TMEM177: variants seen among roughly 807,000 people sequenced by gnomAD.
TMEM177 encodes the protein transmembrane protein 177.
A neutral mutation model predicts 14.2 loss-of-function variants in TMEM177; 4 were observed. The observed-to-expected ratio is 0.28, with a 90% CI of 0.14 to 0.64. TMEM177 has a LOEUF of 0.64. Ranked by LOEUF, TMEM177 falls within the 30% of genes least tolerant of loss-of-function variation. The pLI is 0.82. For missense variants in TMEM177, 344 were observed against 405.2 expected (o/e 0.85, Z 1.30); for synonymous variants, 179 against 174.5 (o/e 1.03, Z -0.20).
the TMEM177 span, among the ~76,000 whole-genome samples, chr2:119,697,899 A>C: frequency 1.3e-5 from 2 of 152,254 alleles, no homozygotes; most frequent in African/African-American, 4.8e-5. Flanking sequence ...AAGAAGGGCC[A>C]GATGGCTGGA....
the TMEM177 span, among the ~76,000 whole-genome samples, chr2:119,695,490 G>A: frequency 6.6e-6 from 1 of 152,140 alleles, no homozygotes; most frequent in Non-Finnish European, 1.5e-5. Flanking sequence ...TGGGCACCTG[G>A]CTGGGCACCT....
the TMEM177 span, among the ~76,000 whole-genome samples, chr2:119,703,817 C>A: frequency 6.6e-6 from 1 of 152,230 alleles, no homozygotes; most frequent in Non-Finnish European, 1.5e-5. Flanking sequence ...GCAGCTTCCA[C>A]TGGGCAGCCT....
chr2:119,709,415 C>T, the TMEM177 span, among the ~76,000 whole-genome samples: 1 of 152,200 alleles, frequency 6.6e-6, no homozygotes, highest in Non-Finnish European at 1.5e-5. Context: ...GTGGCTCATG[C>T]CTGTAATCCC....
chr2:119,693,703 A>G, the TMEM177 span, among the ~76,000 whole-genome samples: 1 of 152,114 alleles, frequency 6.6e-6, no homozygotes, highest in African/African-American at 2.4e-5. Flanking sequence ...AGCCTGAGGA[A>G]AAAGGCCTCA....
downstream of TMEM177, among the ~76,000 whole-genome samples, chr2:119,683,872 C>G (rs1292013490): frequency 1.3e-5 from 2 of 152,198 alleles, no homozygotes; most frequent in Non-Finnish European, 2.9e-5. Context: ...TGAGAGCCCC[C>G]CTGGCAGGTT....
At position 119,681,789 on chromosome 2, in the gene TMEM177, A is replaced by G. The variant is rs1340475445; in HGVS notation, c.936A>G (p.Ter312TrpextTer74). ...WRGMLNPGRS[*>W] ...GGATGCTCAATCCGGGCCGCTCCTGATGGGCTCATCACAAGGACACTTCCA... is the reference window on the plus strand; with the variant it reads ...GGATGCTCAATCCGGGCCGCTCCTGGTGGGCTCATCACAAGGACACTTCCA... The change falls in exon 2 of 2, where the codon TGA becomes TGG. Residue 312 changes from the stop codon to tryptophan (W), a stop_lost. Transcript: ENST00000272521. The G allele has an allele frequency of 6.2e-6, 10 of 1,610,204 alleles. No homozygotes were observed. The highest frequency in any genetic ancestry group is 8.5e-6 in the Non-Finnish European group (10 of 1,177,652).
chr2:119,697,213 C>T, the TMEM177 span, among the ~76,000 whole-genome samples: 1 of 152,212 alleles, frequency 6.6e-6, no homozygotes, highest in Non-Finnish European at 1.5e-5. Context: ...TCAGGGTCTG[C>T]CTCCACTTCC....
the TMEM177 span, among the ~76,000 whole-genome samples, chr2:119,703,161 A>G: frequency 6.6e-6 from 1 of 152,186 alleles, no homozygotes; most frequent in Admixed American, 6.5e-5. Context: ...TCACCGTTAG[A>G]CTTTTATCCC....
chr2:119,697,999 A>G, the TMEM177 span, among the ~76,000 whole-genome samples: 1 of 152,158 alleles, frequency 6.6e-6, no homozygotes, highest in Non-Finnish European at 1.5e-5. Context: ...GGGGAAATGA[A>G]TGAGCCTAAA....
downstream of TMEM177, chr2:119,685,987 G>T: frequency 2.3e-6 from 1 of 431,220 alleles, no homozygotes; most frequent in South Asian, 3.1e-5. Flanking sequence ...AGTGCAGCAG[G>T]GGGAACAGGA....
chr2:119,700,582 G>A, the TMEM177 span, among the ~76,000 whole-genome samples: 3 of 152,146 alleles, frequency 2.0e-5, no homozygotes, highest in African/African-American at 2.4e-5. Flanking sequence ...AAGGTTAAGG[G>A]TTAAGAACTT....
downstream of TMEM177, among the ~76,000 whole-genome samples, chr2:119,683,704 C>A (rs1194039408): frequency 6.6e-6 from 1 of 152,224 alleles, no homozygotes. Flanking sequence ...CCAGTCCTCA[C>A]ACAAGCCTTA....
At chr2:119,723,144 A>C in the TMEM177 span, among the ~76,000 whole-genome samples, 3 of 152,256 alleles carry the variant, frequency 2.0e-5, no homozygotes, top group African/African-American at 7.2e-5. Flanking sequence ...GATGGCGCAA[A>C]AACAGACGAG....
At chr2:119,705,619 C>T in the TMEM177 span, among the ~76,000 whole-genome samples, 8 of 139,264 alleles carry the variant, frequency 5.7e-5, no homozygotes, top group East Asian at 1.5e-3. Flanking sequence ...CACTCAGATC[C>T]GTGTGTGTGT....
chr2:119,689,707 A>G (rs1267725053), downstream of TMEM177, among the ~76,000 whole-genome samples: 1 of 152,184 alleles, frequency 6.6e-6, no homozygotes, highest in Non-Finnish European at 1.5e-5. Context: ...TCACTTAGGC[A>G]AGTGAAACTG....
At chr2:119,688,050 A>G (rs1216392125), downstream of TMEM177, among the ~76,000 whole-genome samples, 1 of 152,230 alleles carries the variant, frequency 6.6e-6, no homozygotes, top group Non-Finnish European at 1.5e-5. Flanking sequence ...ATACAACAAA[A>G]TGACAATAAT....
At chr2:119,717,031 G>A in the TMEM177 span, among the ~76,000 whole-genome samples, 150,734 of 152,310 alleles carry the variant, frequency 0.99, 74,609 homozygotes, top group Middle Eastern at 1. Context: ...TCTTTTTTCC[G>A]TCAGTTTCTC....
At chr2:119,712,737 C>T in the TMEM177 span, among the ~76,000 whole-genome samples, 2 of 152,190 alleles carry the variant, frequency 1.3e-5, no homozygotes, top group Non-Finnish European at 2.9e-5. Flanking sequence ...CTTTTTATTA[C>T]CAGCATGCAT....
At chr2:119,707,178 T>C in the TMEM177 span, among the ~76,000 whole-genome samples, 1 of 152,170 alleles carries the variant, frequency 6.6e-6, no homozygotes, top group African/African-American at 2.4e-5. Context: ...CATGAGCCAC[T>C]GCGCCCGGCC....
Sources: allele counts gnomAD v4.1 joint callset (sites outside exome capture counted in the v4.1 genomes callset), GRCh38; gene constraint gnomAD v4.1.1; transcripts MANE v1.5; gene names NCBI Gene and HGNC (gene_info 2026-07-23, HGNC 2026-07-21).